The following MLLT10 variants were observed in gnomAD, a reference collection of about 807,000 sequenced individuals.
The protein encoded by MLLT10 is protein AF-10.
In MLLT10, 30 loss-of-function variants were observed where a neutral mutation model predicts 129.1. The observed-to-expected ratio is 0.23, with a 90% CI of 0.17 to 0.32. MLLT10 has a LOEUF of 0.32. Ranked by LOEUF, MLLT10 falls within the 10% of genes least tolerant of loss-of-function variation. MLLT10 has a pLI of 1.00. For synonymous variants in MLLT10, 490 were observed against 446.4 expected (o/e 1.10, Z -1.23); for missense variants, 1,119 against 1,268.3 (o/e 0.88, Z 1.79).
At chr10:21,731,845 C>T (rs998261022) in intron 17 of MLLT10, among the ~76,000 whole-genome samples, 1 of 151,988 alleles carries the variant, frequency 6.6e-6, no homozygotes, top group Non-Finnish European at 1.5e-5. Flanking sequence ...TCATCATTTT[C>T]GAGTATAAAC....
intron 11 of MLLT10, among the ~76,000 whole-genome samples, chr10:21,680,618 A>C (rs949259364): frequency 6.6e-6 from 1 of 152,196 alleles, no homozygotes; most frequent in Non-Finnish European, 1.5e-5. Flanking sequence ...TATCATACTT[A>C]AATTGTGATT....
At chr10:21,649,568 G>A (rs2048823683) in intron 8 of MLLT10, among the ~76,000 whole-genome samples, 1 of 152,202 alleles carries the variant, frequency 6.6e-6, no homozygotes, top group Non-Finnish European at 1.5e-5. Context: ...GATTCATTAA[G>A]CTGGTGGCTA....
chr10:21,718,069 T>G (rs949132501), intron 14 of MLLT10, among the ~76,000 whole-genome samples: 3 of 152,158 alleles, frequency 2.0e-5, no homozygotes, highest in African/African-American at 7.2e-5. Context: ...GGTCTCGAAC[T>G]CCAGACTTCA....
intron 2 of MLLT10, among the ~76,000 whole-genome samples, chr10:21,535,977 C>T (rs919887970): frequency 1.3e-5 from 2 of 152,200 alleles, no homozygotes; most frequent in Non-Finnish European, 2.9e-5. Context: ...CTTGCTCTGT[C>T]ACCCAGGCTG....
chr10:21,706,649 C>T lies in MLLT10; in HGVS notation c.1700-7123C>T, dbSNP rs2055536737. ...AGCCACTGGATGGGTACTTACTTGA[C>T]CTCCTAGGCAGTTTGAAAGTGGGAA... On this transcript the variant is annotated intron_variant, in intron 13 of 22. Transcript: ENST00000307729. Among the ~76,000 whole-genome samples, 2 of 152,172 alleles carry T rather than the reference C, an allele frequency of 1.3e-5. 1 individual carries two copies. Among genetic ancestry groups the T allele is most frequent in the Non-Finnish European group, 2.9e-5 (2 of 68,028 alleles).
Position 21,731,277 on chromosome 10 carries a change from T to C in MLLT10, c.2218+223T>C, listed in dbSNP as rs560245273. On this transcript the variant is annotated intron_variant, in intron 17 of 22. Transcript: ENST00000307729. ...CTGTCTTTACCTGTTATTAATAGTA[T>C]GATCTTGGGCATGTTTTTTAAAGTT... 2.6e-5 allele frequency among the ~76,000 whole-genome samples: 4 copies of C among 152,370 alleles called. No homozygotes were observed. In the South Asian group the frequency reaches 8.3e-4, roughly 32 times the overall value.
intron 13 of MLLT10, among the ~76,000 whole-genome samples, chr10:21,685,466 CTGGGA>C (rs1216776456): frequency 6.6e-6 from 1 of 152,032 alleles, no homozygotes; most frequent in African/African-American, 2.4e-5. Flanking sequence ...TCCCGAGTAG[CTGGGA>C]TTACAGGCGC....
chr10:21,660,615 C>CAAAAAAAA (rs55685640), intron 9 of MLLT10, among the ~76,000 whole-genome samples: 24 of 41,822 alleles, frequency 5.7e-4, no homozygotes, highest in African/African-American at 2.4e-3. Context: ...GACTCCATCT[C>CAAAAAAAA]AAAAAAAAAA....
At chr10:21,726,386 C>T (rs370386952) in intron 15 of MLLT10, 31 bp downstream of exon 15, 10 of 1,465,158 alleles carry the variant, frequency 6.8e-6, no homozygotes, top group Non-Finnish European at 9.5e-6. Flanking sequence ...AACTCTAAAA[C>T]CCTACTCTCA....
chr10:21,534,181 C>CA (rs2033327878), upstream of MLLT10: 1 of 389,116 alleles, frequency 2.6e-6, no homozygotes, highest in African/African-American at 2.1e-5. Flanking sequence ...AGCGCGCACG[C>CA]AGGGCTAGCC....
At chr10:21,699,650 G>A (rs1033928932) in intron 13 of MLLT10, among the ~76,000 whole-genome samples, 3 of 151,022 alleles carry the variant, frequency 2.0e-5, no homozygotes, top group South Asian at 2.1e-4. Flanking sequence ...CTCGGTGTAC[G>A]TACTTGGTGC....
intron 8 of MLLT10, among the ~76,000 whole-genome samples, chr10:21,650,562 T>C (rs1397126951): frequency 6.6e-6 from 1 of 151,988 alleles, no homozygotes; most frequent in Non-Finnish European, 1.5e-5. Context: ...ATGACAGAGA[T>C]ACCAATCTTT....
At position 21,543,653 on chromosome 10, in the gene MLLT10, A is replaced by G. The variant is rs537640876; in HGVS notation, c.240+4741A>G. On this transcript the variant is annotated intron_variant, in intron 3 of 22. Coordinates refer to ENST00000307729, the MANE Select transcript of MLLT10 (RefSeq NM_001195626.3). ...GCCACCACGCCCAGCTAAGTTTTGTATTTTTAGTAGAGATGGGGTTTCTTC... is the reference window on the plus strand; with the variant it reads ...GCCACCACGCCCAGCTAAGTTTTGTGTTTTTAGTAGAGATGGGGTTTCTTC... Among the ~76,000 whole-genome samples the G allele has an allele frequency of 3.3e-5, 5 of 151,918 alleles. No homozygotes were observed. In the East Asian group the frequency reaches 5.8e-4, roughly 18 times the overall value.
At chr10:21,677,130 TAGAC>T (rs1473615195) in intron 11 of MLLT10, among the ~76,000 whole-genome samples, 3 of 152,228 alleles carry the variant, frequency 2.0e-5, no homozygotes, top group African/African-American at 7.2e-5. Flanking sequence ...GCCATTTAAT[TAGAC>T]AGCTCAACAG....
At chr10:21,732,099 T>C (rs776250474) in intron 17 of MLLT10, among the ~76,000 whole-genome samples, 3 of 152,170 alleles carry the variant, frequency 2.0e-5, no homozygotes, top group Non-Finnish European at 4.4e-5. Flanking sequence ...GTTAAATCCA[T>C]GGGAAACGGC....
chr10:21,583,970 C>T (rs777990488), intron 3 of MLLT10, among the ~76,000 whole-genome samples: 5 of 151,352 alleles, frequency 3.3e-5, no homozygotes, highest in Admixed American at 6.6e-5. Flanking sequence ...CCTGGGTTCA[C>T]GCCATTCTTC....
chr10:21,571,357 C>T (rs552342785), intron 3 of MLLT10, among the ~76,000 whole-genome samples: 1 of 152,232 alleles, frequency 6.6e-6, no homozygotes, highest in African/African-American at 2.4e-5. Flanking sequence ...TGCTGGTCTC[C>T]CTTGTGAGCT....
intron 8 of MLLT10, among the ~76,000 whole-genome samples, chr10:21,622,094 T>TG (rs2131232492): frequency 6.6e-6 from 1 of 151,854 alleles, no homozygotes; most frequent in Non-Finnish European, 1.5e-5. Context: ...GAAAAGTTAA[T>TG]GGTGAAATAT....
intron 8 of MLLT10, among the ~76,000 whole-genome samples, chr10:21,639,048 A>G (rs1175748932): frequency 1.3e-5 from 2 of 152,274 alleles, no homozygotes; most frequent in African/African-American, 4.8e-5. Context: ...AGATCCCATT[A>G]ATTGGCCTGT....
Sources: gnomAD v4.1 joint callset for allele counts (sites outside exome capture counted in the v4.1 genomes callset) on GRCh38, gnomAD v4.1.1 for gene constraint, MANE v1.5 for transcripts, NCBI Gene and HGNC (gene_info 2026-07-23, HGNC 2026-07-21) for gene names.